The following NRG3 variants were observed in gnomAD, a reference collection of about 807,000 sequenced individuals.
NRG3 encodes the protein pro-neuregulin-3, membrane-bound isoform.
Under a neutral mutation model 66.9 loss-of-function variants are expected in NRG3, and 31 were observed. The observed-to-expected ratio is 0.46, with a 90% CI of 0.35 to 0.63. The LOEUF is 0.63. Ranked by LOEUF, NRG3 falls within the 20% of genes least tolerant of loss-of-function variation. The probability of loss-of-function intolerance (pLI) is 0.00; values close to 1 mark genes in which losing one functional copy is unlikely to be tolerated. For synonymous variants in NRG3, 393 were observed against 359.4 expected (o/e 1.09, Z -1.06); for missense variants, 910 against 878.9 (o/e 1.04, Z -0.45).
At chr10:82,864,445 G>A (rs1421368528) in intron 3 of NRG3, among the ~76,000 whole-genome samples, 1 of 152,036 alleles carries the variant, frequency 6.6e-6, no homozygotes, top group African/African-American at 2.4e-5. Flanking sequence ...ATTCATAAAA[G>A]GAAGCTCAGC....
At chr10:82,339,879 C>A (rs1011823134) in intron 1 of NRG3, among the ~76,000 whole-genome samples, 9 of 151,956 alleles carry the variant, frequency 5.9e-5, no homozygotes, top group African/African-American at 2.2e-4. Flanking sequence ...TTCTGTCGTG[C>A]AGCTATCAAT....
At chr10:82,096,299 A>G (rs2066339686) in intron 1 of NRG3, among the ~76,000 whole-genome samples, 1 of 152,032 alleles carries the variant, frequency 6.6e-6, no homozygotes, top group Non-Finnish European at 1.5e-5. Flanking sequence ...ACATGGTGAA[A>G]CCCCATCTCT....
At chr10:81,930,950 A>C (rs973128720) in intron 1 of NRG3, among the ~76,000 whole-genome samples, 1 of 152,170 alleles carries the variant, frequency 6.6e-6, no homozygotes, top group Non-Finnish European at 1.5e-5. Context: ...GTTTGTAAAA[A>C]ACAGGCTGAA....
At chr10:81,938,794 T>C (rs1404991215) in intron 1 of NRG3, among the ~76,000 whole-genome samples, 1 of 152,086 alleles carries the variant, frequency 6.6e-6, no homozygotes, top group Non-Finnish European at 1.5e-5. Context: ...TCCAGTACTA[T>C]GCTGAATAGA....
chr10:82,058,128 AC>A (rs1205216074), intron 1 of NRG3, among the ~76,000 whole-genome samples: 2 of 152,042 alleles, frequency 1.3e-5, no homozygotes, highest in African/African-American at 4.8e-5. Context: ...ATTTACTCAA[AC>A]TTTTATATAT....
intron 1 of NRG3, among the ~76,000 whole-genome samples, chr10:82,016,509 C>G (rs1393194020): frequency 6.6e-6 from 1 of 152,002 alleles, no homozygotes; most frequent in Non-Finnish European, 1.5e-5. Flanking sequence ...TGAGGAAGGG[C>G]ATCATTTGTT....
At chr10:82,337,349 T>C (rs2135348198) in intron 1 of NRG3, among the ~76,000 whole-genome samples, 1 of 152,384 alleles carries the variant, frequency 6.6e-6, no homozygotes, top group African/African-American at 2.4e-5. Flanking sequence ...TAATGTCTTT[T>C]ATTAGTGAAT....
chr10:82,044,676 T>C (rs2063193972), intron 1 of NRG3, among the ~76,000 whole-genome samples: 1 of 152,166 alleles, frequency 6.6e-6, no homozygotes, highest in South Asian at 2.1e-4. Flanking sequence ...GCTGCACCTA[T>C]TAACTCTTCA....
chr10:82,273,513 C>A (rs974506455), intron 1 of NRG3, among the ~76,000 whole-genome samples: 1 of 151,690 alleles, frequency 6.6e-6, no homozygotes, highest in Non-Finnish European at 1.5e-5. Flanking sequence ...TTAATTATAA[C>A]CCACAGAATT....
chr10:82,220,175 A>C (rs776178137), intron 1 of NRG3, among the ~76,000 whole-genome samples: 1 of 135,720 alleles, frequency 7.4e-6, no homozygotes, highest in Non-Finnish European at 1.5e-5. Flanking sequence ...TCATGTGGGC[A>C]TGTATCTTTA....
At chr10:82,031,025 T>C (rs2062546272) in intron 1 of NRG3, among the ~76,000 whole-genome samples, 1 of 152,196 alleles carries the variant, frequency 6.6e-6, no homozygotes, top group Non-Finnish European at 1.5e-5. Context: ...ATTAAATAAC[T>C]TTTAAATAAC....
chr10:82,606,445 A>G (rs1565120004), intron 2 of NRG3, among the ~76,000 whole-genome samples: 1 of 152,308 alleles, frequency 6.6e-6, no homozygotes, highest in South Asian at 2.1e-4. Context: ...AAAGTGATTT[A>G]TCTTGGTGAA....
intron 2 of NRG3, among the ~76,000 whole-genome samples, chr10:82,448,699 A>G (rs2090868307): frequency 6.6e-6 from 1 of 152,164 alleles, no homozygotes; most frequent in Non-Finnish European, 1.5e-5. Context: ...CTTGTTATTG[A>G]TAATGATTTT....
chr10:82,781,124 C>T (rs1334118334), intron 3 of NRG3, among the ~76,000 whole-genome samples: 1 of 152,142 alleles, frequency 6.6e-6, no homozygotes, highest in African/African-American at 2.4e-5. Flanking sequence ...CAGTGTTTTC[C>T]TTCAATCTTG....
chr10:82,673,624 A>T (rs1382131553), intron 2 of NRG3, among the ~76,000 whole-genome samples: 1 of 152,134 alleles, frequency 6.6e-6, no homozygotes, highest in Admixed American at 6.5e-5. Flanking sequence ...AATGAGTGGT[A>T]TGAGGTCTAC....
chr10:82,732,607 C>T (rs973882284), intron 2 of NRG3, among the ~76,000 whole-genome samples: 2 of 152,162 alleles, frequency 1.3e-5, no homozygotes, highest in Non-Finnish European at 2.9e-5. Flanking sequence ...TGGGATTATG[C>T]TTTCAAATTC....
intron 3 of NRG3, among the ~76,000 whole-genome samples, chr10:82,827,873 T>C (rs1014656245): frequency 6.6e-6 from 1 of 152,234 alleles, no homozygotes; most frequent in Non-Finnish European, 1.5e-5. Context: ...ATAAACCTAA[T>C]ATATGCCTAA....
At chr10:81,983,088 C>T (rs73308636) in intron 1 of NRG3, among the ~76,000 whole-genome samples, 281 of 152,160 alleles carry the variant, frequency 1.8e-3, no homozygotes, top group African/African-American at 6.4e-3. Context: ...TGATGGGTTT[C>T]GGCTCTCAGA....
chr10:82,752,573 A>C (rs1483008501), intron 3 of NRG3, among the ~76,000 whole-genome samples: 4 of 152,198 alleles, frequency 2.6e-5, no homozygotes, highest in Admixed American at 1.3e-4. Flanking sequence ...AATTGTATAC[A>C]ATTCCATTCA....
Sources: gnomAD v4.1 joint callset for allele counts (sites outside exome capture counted in the v4.1 genomes callset) on GRCh38, gnomAD v4.1.1 for gene constraint, MANE v1.5 for transcripts, NCBI Gene and HGNC (gene_info 2026-07-23, HGNC 2026-07-21) for gene names.